Variants in NT5DC3 observed in about 807,000 individuals in gnomAD.
The protein encoded by NT5DC3 is 5'-nucleotidase domain containing 3, also known as 5'-nucleotidase domain-containing protein 3.
In NT5DC3, 42 loss-of-function variants were observed where a neutral mutation model predicts 67.8. That is an observed-to-expected ratio of 0.62 (90% confidence interval 0.48 to 0.80). NT5DC3 has a LOEUF of 0.80. Among genes scored for constraint, NT5DC3 ranks in the 30% least tolerant of loss-of-function variants. NT5DC3 has a pLI of 0.00. For synonymous variants in NT5DC3, 237 were observed against 255.6 expected, an observed-to-expected ratio of 0.93 and a Z score of 0.69; for missense variants, 570 against 696.4, an observed-to-expected ratio of 0.82 and a Z score of 2.04.
At chr12:103,754,219 G>C in the NT5DC3 span, among the ~76,000 whole-genome samples, 2 of 151,998 alleles carry the variant, frequency 1.3e-5, no homozygotes, top group Admixed American at 6.6e-5. Context: ...CTGCTCTCCT[G>C]CTTGCTGGTC....
Position 103,786,681 on chromosome 12 carries a change from A to ATTTTTTTTTTTTTTT in NT5DC3, c.1188+745_1188+759dup, listed in dbSNP as rs3036176. Among the ~76,000 whole-genome samples, 5 of 132,366 alleles carry ATTTTTTTTTTTTTTT rather than the reference A, an allele frequency of 3.8e-5. 1 individual carries two copies. The highest frequency in any genetic ancestry group is 5.6e-5 in the African/African-American group (2 of 35,604). 86.8% of individuals were successfully genotyped at this position (132,366 alleles called of 152,430 possible). A position where few individuals can be genotyped will look rare whatever the true frequency, so the allele number is the denominator to read the frequency against. On this transcript the variant is annotated intron_variant, in intron 11 of 13. Transcript: ENST00000392876. Reference sequence around the variant, plus strand: ...GATGCCCACCTTCCTCACTGGTTTGATTTTTTTTTTTTTTTTTTTGAGGCA... The same window carrying ATTTTTTTTTTTTTTT: ...GATGCCCACCTTCCTCACTGGTTTGATTTTTTTTTTTTTTTTTTTTTTTTTTTTTTTTTTGAGGCA...
intron 2 of NT5DC3, among the ~76,000 whole-genome samples, chr12:103,814,365 G>T (rs1337513848): frequency 6.6e-6 from 1 of 152,146 alleles, no homozygotes; most frequent in African/African-American, 2.4e-5. Flanking sequence ...CCCGGGAGGG[G>T]TCTCAAAGGG....
chr12:103,781,341 C>CCCTG (rs1272125688), intron 12 of NT5DC3, among the ~76,000 whole-genome samples: 1 of 152,216 alleles, frequency 6.6e-6, no homozygotes, highest in Admixed American at 6.5e-5. Flanking sequence ...TGACTCTGAA[C>CCCTG]CCTGAGGCTG....
chr12:103,760,260 G>T, the NT5DC3 span, among the ~76,000 whole-genome samples: 1 of 152,082 alleles, frequency 6.6e-6, no homozygotes, highest in African/African-American at 2.4e-5. Context: ...TGTGTGGGGG[G>T]TGGTTTTTTG....
the NT5DC3 span, chr12:103,757,948 G>A: frequency 3.3e-6 from 2 of 597,714 alleles, no homozygotes; most frequent in Non-Finnish European, 2.9e-6. Flanking sequence ...TGGAGGATGG[G>A]CTGTGACGTG....
rs573204549 is a variant in NT5DC3, at chr12:103,779,448, T to C, written c.1394+852A>G. On this transcript the variant is annotated intron_variant, in intron 13 of 13. Coordinates refer to ENST00000392876, the MANE Select transcript of NT5DC3 (RefSeq NM_001031701.3). ...GTGATAAAAGCCACTAGTTAGTTGG[T>C]AGCAGTTAGAATAAGACTCAGACAG... is the stretch of plus-strand genomic sequence containing the variant. 1.9e-4 allele frequency among the ~76,000 whole-genome samples: 29 copies of C among 152,304 alleles called. No individual in the cohort carries two copies. In the South Asian group the frequency reaches 3.3e-3, roughly 17 times the overall value.
At chr12:103,793,315 T>C (rs1593396120) in intron 8 of NT5DC3, 50 bp from the exon 9 acceptor site, 2 of 1,545,364 alleles carry the variant, frequency 1.3e-6, no homozygotes, top group Non-Finnish European at 1.8e-6. Context: ...AGATTAACTG[T>C]GTCTGTAACT....
intron 1 of NT5DC3, among the ~76,000 whole-genome samples, chr12:103,822,474 CA>C (rs1172497566): frequency 2.6e-5 from 4 of 152,214 alleles, no homozygotes; most frequent in Non-Finnish European, 5.9e-5. Context: ...GTAGATGTCT[CA>C]ACAGGTGGAA....
At chr12:103,837,768 G>C (rs1408262211) in intron 1 of NT5DC3, among the ~76,000 whole-genome samples, 1 of 152,160 alleles carries the variant, frequency 6.6e-6, no homozygotes, top group Non-Finnish European at 1.5e-5. Flanking sequence ...CAGCATTTTT[G>C]TCAAAGCCAT....
chr12:103,835,121 T>C (rs748000334), intron 1 of NT5DC3, among the ~76,000 whole-genome samples: 3 of 152,188 alleles, frequency 2.0e-5, no homozygotes, highest in Non-Finnish European at 4.4e-5. Context: ...GTACAGGCAG[T>C]AACTCAGCCG....
intron 13 of NT5DC3, 33 bp from the exon 14 acceptor site, chr12:103,778,114 G>C (rs1298072553): frequency 6.5e-7 from 1 of 1,534,154 alleles, no homozygotes; most frequent in Non-Finnish European, 8.8e-7. Context: ...AAGCAACAGA[G>C]AATGATTCAA....
At chr12:103,761,316 T>C in the NT5DC3 span, 1 of 1,613,910 alleles carries the variant, frequency 6.2e-7, no homozygotes. Flanking sequence ...ACCAGGTTTG[T>C]TGATGGAAGA....
At chr12:103,789,794 C>T (rs1885960202) in intron 9 of NT5DC3, among the ~76,000 whole-genome samples, 2 of 152,098 alleles carry the variant, frequency 1.3e-5, no homozygotes, top group Non-Finnish European at 2.9e-5. Flanking sequence ...GTTTGTTTGC[C>T]TTAAGGTAAA....
chr12:103,780,151 T>C (rs773213256), intron 13 of NT5DC3, 149 bp downstream of exon 13: 6 of 711,890 alleles, frequency 8.4e-6, no homozygotes, highest in Non-Finnish European at 1.5e-5. Context: ...AGGTAGCTGA[T>C]TCTGGATCCT....
At chr12:103,759,103 G>A in the NT5DC3 span, 14 of 1,613,954 alleles carry the variant, frequency 8.7e-6, no homozygotes, top group Admixed American at 1.7e-4. Flanking sequence ...GGCCTTTGAA[G>A]AGCATTCTGT....
chr12:103,815,936 C>A (rs1887231900), intron 1 of NT5DC3, among the ~76,000 whole-genome samples: 1 of 152,144 alleles, frequency 6.6e-6, no homozygotes. Context: ...AAATATCATA[C>A]ATCATCTCAC....
the NT5DC3 span, chr12:103,749,085 G>C: frequency 6.2e-7 from 1 of 1,614,134 alleles, no homozygotes; most frequent in East Asian, 2.2e-5. Context: ...CAGCTGCACA[G>C]AGATAGACCC....
chr12:103,750,527 C>T, the NT5DC3 span: 1 of 1,601,926 alleles, frequency 6.2e-7, no homozygotes, highest in East Asian at 2.2e-5. Context: ...CTTGGGCATC[C>T]TGGGGTCCTA....
intron 1 of NT5DC3, among the ~76,000 whole-genome samples, chr12:103,816,535 T>C (rs1887260556): frequency 6.6e-6 from 1 of 152,170 alleles, no homozygotes; most frequent in South Asian, 2.1e-4. Context: ...CCACTGGATG[T>C]TAGGTTTGGG....
Sources: gnomAD v4.1 joint callset for allele counts (sites outside exome capture counted in the v4.1 genomes callset) on GRCh38, gnomAD v4.1.1 for gene constraint, MANE v1.5 for transcripts, NCBI Gene and HGNC (gene_info 2026-07-23, HGNC 2026-07-21) for gene names.